The following GALNT17 variants were observed in gnomAD, a reference collection of about 807,000 sequenced individuals.
GALNT17 encodes the protein UDP-GalNAc:polypeptide N-acetylgalactosaminyltransferase-like 3.
Under a neutral mutation model 63.7 loss-of-function variants are expected in GALNT17, and 29 were observed. That is an observed-to-expected ratio of 0.46 (90% CI 0.34 to 0.62). The LOEUF (loss-of-function observed/expected upper bound fraction) is 0.62. Ranked by LOEUF, GALNT17 falls within the 20% of genes least tolerant of loss-of-function variation. GALNT17 has a pLI of 0.01. For synonymous variants in GALNT17, 305 were observed against 318.3 expected, an observed-to-expected ratio of 0.96 and a Z score of 0.45; for missense variants, 603 against 799.6, an observed-to-expected ratio of 0.75 and a Z score of 2.97.
intron 1 of GALNT17, among the ~76,000 whole-genome samples, chr7:71,286,452 T>C (rs1313617182): frequency 6.6e-6 from 1 of 152,224 alleles, no homozygotes. Flanking sequence ...TTCACAATGC[T>C]TTATTTTCTT....
At chr7:71,499,075 A>G (rs1456444538) in intron 5 of GALNT17, among the ~76,000 whole-genome samples, 1 of 151,740 alleles carries the variant, frequency 6.6e-6, no homozygotes, top group Non-Finnish European at 1.5e-5. Flanking sequence ...TTTTCTTTGG[A>G]TGATCTGAAG....
intron 6 of GALNT17, among the ~76,000 whole-genome samples, chr7:71,585,880 C>A (rs888756778): frequency 2.0e-5 from 3 of 151,474 alleles, no homozygotes; most frequent in Admixed American, 6.6e-5. Context: ...CTCCCCACCC[C>A]ACACTTCCCG....
chr7:71,597,233 G>T (rs1789899953), intron 6 of GALNT17, among the ~76,000 whole-genome samples: 1 of 152,058 alleles, frequency 6.6e-6, no homozygotes, highest in Non-Finnish European at 1.5e-5. Context: ...TAGAAACAGG[G>T]TTTCACCATG....
chr7:71,501,730 A>G (rs1788183888), intron 5 of GALNT17, among the ~76,000 whole-genome samples: 1 of 152,130 alleles, frequency 6.6e-6, no homozygotes, highest in African/African-American at 2.4e-5. Flanking sequence ...GGCCATGGTT[A>G]AGGAAATGTT....
chr7:71,465,152 A>C (rs898285980), intron 5 of GALNT17, among the ~76,000 whole-genome samples: 1 of 152,192 alleles, frequency 6.6e-6, no homozygotes, highest in Non-Finnish European at 1.5e-5. Context: ...TGTTGTGAAA[A>C]TTCTTTTTCC....
chr7:71,369,811 CAAAAAAAAAA>C (rs763387719), intron 2 of GALNT17, among the ~76,000 whole-genome samples: 68 of 72,156 alleles, frequency 9.4e-4, no homozygotes, highest in East Asian at 8.7e-3. Context: ...GGCTTTTTGT[CAAAAAAAAAA>C]AAAAAAAAAA....
At chr7:71,206,286 G>A (rs548553277) in intron 1 of GALNT17, among the ~76,000 whole-genome samples, 21 of 151,880 alleles carry the variant, frequency 1.4e-4, no homozygotes, top group South Asian at 4.2e-4. Flanking sequence ...CACTTAACCC[G>A]GTCTAGATCT....
At chr7:71,444,513 C>A (rs973589359) in intron 5 of GALNT17, among the ~76,000 whole-genome samples, 2 of 152,156 alleles carry the variant, frequency 1.3e-5, no homozygotes, top group African/African-American at 4.8e-5. Context: ...AACTCACTAT[C>A]CAACACATCT....
chr7:71,495,465 A>G (rs909059872), intron 5 of GALNT17, among the ~76,000 whole-genome samples: 3 of 152,204 alleles, frequency 2.0e-5, no homozygotes, highest in African/African-American at 7.2e-5. Flanking sequence ...TAGTAACATA[A>G]TTAATCAAAA....
chr7:71,234,895 G>A (rs1292674809), intron 1 of GALNT17, among the ~76,000 whole-genome samples: 1 of 152,154 alleles, frequency 6.6e-6, no homozygotes, highest in Non-Finnish European at 1.5e-5. Context: ...CATAGTGACT[G>A]TTGGGTCTCC....
intron 5 of GALNT17, among the ~76,000 whole-genome samples, chr7:71,424,133 A>G (rs1238831498): frequency 6.6e-6 from 1 of 152,202 alleles, no homozygotes; most frequent in Admixed American, 6.5e-5. Flanking sequence ...ATTCTTGGCT[A>G]TCTGCAAATA....
At chr7:71,451,703 A>G (rs1444711521) in intron 5 of GALNT17, among the ~76,000 whole-genome samples, 1 of 152,068 alleles carries the variant, frequency 6.6e-6, no homozygotes, top group Admixed American at 6.6e-5. Context: ...TCCCTCAAGT[A>G]TGGATCTTGC....
intron 6 of GALNT17, among the ~76,000 whole-genome samples, chr7:71,635,035 C>T (rs1204028064): frequency 2.6e-5 from 4 of 151,758 alleles, no homozygotes; most frequent in African/African-American, 9.7e-5. Flanking sequence ...AGTGAAACCC[C>T]GTCTCTACTA....
At chr7:71,197,673 C>T (rs2116356191) in intron 1 of GALNT17, among the ~76,000 whole-genome samples, 1 of 152,190 alleles carries the variant, frequency 6.6e-6, no homozygotes, top group African/African-American at 2.4e-5. Flanking sequence ...TTTTTAGCCT[C>T]CACAAATAAG....
At chr7:71,651,308 C>CT (rs113437232) in intron 6 of GALNT17, among the ~76,000 whole-genome samples, 27,951 of 133,802 alleles carry the variant, frequency 0.21, 3,018 homozygotes, top group Non-Finnish European at 0.26. Context: ...ACTTTTTAGG[C>CT]TTTTTTTTTT....
chr7:71,190,807 T>C (rs1180964256), intron 1 of GALNT17, among the ~76,000 whole-genome samples: 4 of 146,688 alleles, frequency 2.7e-5, no homozygotes, highest in African/African-American at 7.4e-5. Flanking sequence ...GTATTTTGTA[T>C]TTTTTGTAGA....
chr7:71,305,902 A>G (rs1791282483), intron 1 of GALNT17, among the ~76,000 whole-genome samples: 1 of 152,198 alleles, frequency 6.6e-6, no homozygotes, highest in African/African-American at 2.4e-5. Flanking sequence ...TAAGCAAGAG[A>G]GTGTCCTGAT....
intron 1 of GALNT17, among the ~76,000 whole-genome samples, chr7:71,321,334 C>T (rs1413547305): frequency 3.3e-5 from 5 of 152,160 alleles, no homozygotes; most frequent in Non-Finnish European, 7.3e-5. Context: ...ATTCTTTGCA[C>T]AGACACTCTT....
At chr7:71,139,759 G>A (rs937299964) in intron 1 of GALNT17, among the ~76,000 whole-genome samples, 4 of 152,266 alleles carry the variant, frequency 2.6e-5, no homozygotes, top group Non-Finnish European at 4.4e-5. Flanking sequence ...TTGGGAGGCC[G>A]TGGTGGGCAG....
Sources: gnomAD v4.1 joint callset for allele counts (sites outside exome capture counted in the v4.1 genomes callset) on GRCh38, gnomAD v4.1.1 for gene constraint, MANE v1.5 for transcripts, NCBI Gene and HGNC (gene_info 2026-07-23, HGNC 2026-07-21) for gene names.